The following KCNH5 variants were observed in gnomAD, a reference collection of about 807,000 sequenced individuals.
KCNH5 encodes potassium voltage-gated channel subfamily H member 5.
KCNH5 carries 46 observed loss-of-function variants against 96.1 expected under a neutral mutation model. The observed-to-expected ratio is 0.48, with a 90% CI of 0.38 to 0.61. The LOEUF (loss-of-function observed/expected upper bound fraction) is 0.61, where lower values mean the gene tolerates loss of function less well. Among genes scored for constraint, KCNH5 ranks in the 20% least tolerant of loss-of-function variants. The pLI, the probability that KCNH5 is intolerant of heterozygous loss-of-function variation, is 0.00. For missense variants in KCNH5, 907 were observed against 1,225.8 expected (o/e 0.74, Z 3.88); for synonymous variants, 439 against 449.8 (o/e 0.98, Z 0.30).
chr14:62,806,305 C>T (rs1022194888), intron 8 of KCNH5, among the ~76,000 whole-genome samples: 15 of 152,120 alleles, frequency 9.9e-5, no homozygotes, highest in Non-Finnish European at 4.4e-5. Context: ...TATTCCTTTA[C>T]TTTCTTAATA....
chr14:63,014,947 A>G (rs1407910805), intron 2 of KCNH5, among the ~76,000 whole-genome samples: 1 of 152,088 alleles, frequency 6.6e-6, no homozygotes, highest in Non-Finnish European at 1.5e-5. Context: ...AGCTTTTTCT[A>G]ACTTAAACTG....
intron 7 of KCNH5, among the ~76,000 whole-genome samples, chr14:62,927,113 A>T (rs1405186868): frequency 6.6e-6 from 1 of 152,184 alleles, no homozygotes; most frequent in Non-Finnish European, 1.5e-5. Context: ...TTCAAAGAAC[A>T]TATACAAAAA....
chr14:62,987,305 A>T (rs1594661097), intron 4 of KCNH5, 118 bp from the exon 5 acceptor site: 2 of 696,954 alleles, frequency 2.9e-6, no homozygotes, highest in East Asian at 5.3e-5. Flanking sequence ...AATGCAAAGT[A>T]TCAAACAAAA....
intron 7 of KCNH5, among the ~76,000 whole-genome samples, chr14:62,887,254 A>G (rs975388591): frequency 1.3e-5 from 2 of 152,162 alleles, no homozygotes; most frequent in Admixed American, 6.5e-5. Context: ...ATAGCAGGAA[A>G]TGATACAAGC....
intron 9 of KCNH5, among the ~76,000 whole-genome samples, chr14:62,798,184 C>G (rs1199148361): frequency 6.6e-6 from 1 of 152,146 alleles, no homozygotes; most frequent in Non-Finnish European, 1.5e-5. Flanking sequence ...CATACATAAA[C>G]AAACATAGCT....
chr14:62,702,828 A>T lies in KCNH5; in HGVS notation c.*4680T>A, dbSNP rs1023700771. ...CAAGTCAGAATATAGGCCAAAACTT[A>T]CAACACATAGCACATAGTTAAGAAT... On this transcript the variant is annotated 3_prime_UTR_variant, in exon 11 of 11. Coordinates refer to ENST00000322893, the MANE Select transcript of KCNH5 (RefSeq NM_139318.5). The T allele has an allele frequency of 6.6e-6, 1 of 152,004 alleles. No individual in the cohort carries two copies. Among genetic ancestry groups the T allele is most frequent in the Non-Finnish European group, 1.5e-5 (1 of 67,844 alleles). The allele number at this position is 152,004 out of a possible 1,614,324, so 9.4% of individuals were successfully genotyped here. A position where few individuals can be genotyped will look rare whatever the true frequency, so the allele number is the denominator to read the frequency against.
At chr14:63,008,030 T>G (rs114822323) in intron 2 of KCNH5, among the ~76,000 whole-genome samples, 278 of 152,282 alleles carry the variant, frequency 1.8e-3, no homozygotes, top group African/African-American at 6.2e-3. Context: ...AGATACACAG[T>G]TCTGCTGATC....
chr14:62,753,606 C>T (rs1885551816), intron 10 of KCNH5, among the ~76,000 whole-genome samples: 1 of 152,092 alleles, frequency 6.6e-6, no homozygotes, highest in African/African-American at 2.4e-5. Context: ...AGAAAAGAAA[C>T]AAATAACATA....
intron 2 of KCNH5, among the ~76,000 whole-genome samples, chr14:63,013,039 GC>G (rs1019891680): frequency 1.5e-4 from 23 of 151,978 alleles, no homozygotes; most frequent in African/African-American, 4.3e-4. Context: ...CTTAGAGAGA[GC>G]AAAATGACAA....
intron 7 of KCNH5, among the ~76,000 whole-genome samples, chr14:62,923,631 A>G (rs1055301139): frequency 1.3e-5 from 2 of 151,958 alleles, no homozygotes; most frequent in African/African-American, 4.8e-5. Flanking sequence ...ATGTAGACCA[A>G]TGGAACAGGA....
chr14:62,928,079 C>T (rs572366874), intron 7 of KCNH5, among the ~76,000 whole-genome samples: 1 of 152,098 alleles, frequency 6.6e-6, no homozygotes, highest in African/African-American at 2.4e-5. Flanking sequence ...AAGGCAAACC[C>T]AACTGTAGTT....
chr14:62,742,809 T>G (rs2139936460), intron 10 of KCNH5, among the ~76,000 whole-genome samples: 1 of 152,306 alleles, frequency 6.6e-6, no homozygotes, highest in East Asian at 1.9e-4. Context: ...GTTAGGATCA[T>G]GGACTACCTA....
chr14:62,754,840 G>A (rs936186800), intron 10 of KCNH5, among the ~76,000 whole-genome samples: 52 of 151,572 alleles, frequency 3.4e-4, no homozygotes, highest in African/African-American at 1.1e-3. Flanking sequence ...GCTCCACTGC[G>A]CTCCAGCCTG....
At chr14:62,772,888 A>C (rs995360935) in intron 10 of KCNH5, among the ~76,000 whole-genome samples, 1 of 152,166 alleles carries the variant, frequency 6.6e-6, no homozygotes, top group African/African-American at 2.4e-5. Flanking sequence ...GCCACACTAG[A>C]CGTATTGGTT....
At chr14:62,963,105 A>G (rs1314419406) in intron 6 of KCNH5, among the ~76,000 whole-genome samples, 2 of 152,124 alleles carry the variant, frequency 1.3e-5, no homozygotes, top group African/African-American at 4.8e-5. Context: ...TCATCGTAAG[A>G]AAAAGGGTGA....
intron 1 of KCNH5, among the ~76,000 whole-genome samples, chr14:63,044,799 G>A (rs918492921): frequency 3.9e-5 from 6 of 152,196 alleles, no homozygotes; most frequent in Non-Finnish European, 7.3e-5. Context: ...GAACAAGAAA[G>A]ATAAAAGCAA....
At chr14:63,006,639 C>G (rs1443547544) in intron 2 of KCNH5, among the ~76,000 whole-genome samples, 167 bp from the exon 3 acceptor site, 1 of 152,188 alleles carries the variant, frequency 6.6e-6, no homozygotes, top group Admixed American at 6.5e-5. Flanking sequence ...TTACACAGTT[C>G]CTGTATGCAC....
At chr14:62,914,145 G>T (rs1348330071) in intron 7 of KCNH5, among the ~76,000 whole-genome samples, 1 of 152,162 alleles carries the variant, frequency 6.6e-6, no homozygotes, top group Admixed American at 6.5e-5. Flanking sequence ...GATGTATAAA[G>T]AGCTCTTGCA....
chr14:62,760,308 G>A (rs1885719647), intron 10 of KCNH5, among the ~76,000 whole-genome samples: 2 of 152,172 alleles, frequency 1.3e-5, no homozygotes, highest in Non-Finnish European at 2.9e-5. Context: ...TATTACCCAT[G>A]TAATGCTCTA....
Sources: allele counts gnomAD v4.1 joint callset (sites outside exome capture counted in the v4.1 genomes callset), GRCh38; gene constraint gnomAD v4.1.1; transcripts MANE v1.5; gene names NCBI Gene and HGNC (gene_info 2026-07-23, HGNC 2026-07-21).